Variants in UBR4 observed in about 807,000 individuals in gnomAD.
UBR4 encodes E3 ubiquitin-protein ligase UBR4.
UBR4 carries 124 observed loss-of-function variants against 575.6 expected under a neutral mutation model. The observed-to-expected ratio is 0.22, with a 90% CI of 0.19 to 0.25. The LOEUF is 0.25. Ranked by LOEUF, UBR4 falls within the 10% of genes least tolerant of loss-of-function variation. The pLI is 1.00. For missense variants in UBR4, 4,818 were observed against 6,478.8 expected (o/e 0.74, Z 8.80); for synonymous variants, 2,455 against 2,473.7 (o/e 0.99, Z 0.22).
rs1474478410 is a variant in UBR4, at chr1:19,152,533, C to A, written c.6833-57G>T. The stretch of plus-strand genomic sequence containing the variant: ...CTCTCCCACCTCTGCCCCAACACCA[C>A]TGGTAAAGACTCCTCCCAGACAGAG... On this transcript the variant is annotated intron_variant, in intron 46 of 105. Coordinates refer to ENST00000375254, the MANE Select transcript of UBR4 (RefSeq NM_020765.3). This position sits in a 1 kb window ranked among gnomAD's most constrained non-coding sequence, Gnocchi z 4.4. 2 of 1,603,314 alleles carry A rather than the reference C, an allele frequency of 1.2e-6. No individual in the cohort carries two copies. Among genetic ancestry groups the A allele is most frequent in the Admixed American group, 1.7e-5 (1 of 59,740 alleles).
At chr1:19,150,907 TAGAGAA>T in intron 48 of UBR4, 114 bp from the exon 49 acceptor site, 2 of 992,712 alleles carry the variant, frequency 2.0e-6, no homozygotes, top group South Asian at 3.0e-5. Context: ...TTTATAGACA[TAGAGAA>T]ACTTTATCTT....
intron 60 of UBR4, among the ~76,000 whole-genome samples, chr1:19,137,508 A>C (rs2083329841): frequency 6.6e-6 from 1 of 152,190 alleles, no homozygotes; most frequent in Non-Finnish European, 1.5e-5. Context: ...GACCACTTTC[A>C]ATTTCAAAAT....
In UBR4 at chr1:19,129,060, C is replaced by T. The variant is rs1412967235; in HGVS notation, c.8921G>A (p.Arg2974His). 30 of 1,613,904 alleles carry T rather than the reference C, an allele frequency of 1.9e-5. No individual in the cohort carries two copies. The highest frequency in any genetic ancestry group is 3.3e-5 in the South Asian group (3 of 91,074). Residue 2974 changes from arginine (R) to histidine (H), a missense_variant, in exon 61 of 106, where the codon CGT (arginine) becomes CAT (histidine). Physicochemically the swap from Arg to His is conservative, Grantham distance 29. This residue lies in a region of UBR4 where 87 missense variants were observed against 82.8 expected (regional missense o/e 1.05). Coordinates refer to ENST00000375254, the MANE Select transcript of UBR4 (RefSeq NM_020765.3). ...VHTSNRLHMVRLMLLERLLQT... is the reference protein window; with the variant it reads ...VHTSNRLHMVHLMLLERLLQT... Reference sequence around the variant, plus strand: ...CAGTAATCTCTCCAACAGCATTAGACGGACCATGTGCAGCCTAAAAGGGTG... The same window carrying T: ...CAGTAATCTCTCCAACAGCATTAGATGGACCATGTGCAGCCTAAAAGGGTG...
intron 69 of UBR4, 115 bp from the exon 70 acceptor site, chr1:19,119,816 G>T: frequency 7.3e-7 from 1 of 1,373,036 alleles, no homozygotes. Flanking sequence ...AAGTTTGAAC[G>T]GTTTTGTTTC....
intron 63 of UBR4, among the ~76,000 whole-genome samples, chr1:19,127,078 T>C (rs1360874511): frequency 1.3e-5 from 2 of 152,152 alleles, no homozygotes; most frequent in Non-Finnish European, 2.9e-5. Flanking sequence ...GAGTCTTCCA[T>C]AGAACCAGCT....
At chr1:19,193,332 A>T in intron 9 of UBR4, 101 bp downstream of exon 9, 1 of 1,499,724 alleles carries the variant, frequency 6.7e-7, no homozygotes, top group Non-Finnish European at 9.0e-7. Flanking sequence ...TAGTGTGGAG[A>T]ATACTCTAAG....
intron 77 of UBR4, 55 bp downstream of exon 77, chr1:19,113,644 C>T: frequency 6.2e-7 from 1 of 1,603,322 alleles, no homozygotes; most frequent in South Asian, 1.1e-5. Context: ...GCTGTGAAAA[C>T]AACACCAGTA....
intron 17 of UBR4, among the ~76,000 whole-genome samples, chr1:19,181,744 G>A (rs960579140): frequency 6.6e-6 from 1 of 152,086 alleles, no homozygotes; most frequent in African/African-American, 2.4e-5. Context: ...ACATTTAGAA[G>A]GTACTAGTAC....
chr1:19,115,289 C>G, intron 74 of UBR4, 109 bp downstream of exon 74: 1 of 1,467,038 alleles, frequency 6.8e-7, no homozygotes, highest in South Asian at 1.4e-5. Flanking sequence ...CCATAATTCT[C>G]TAAATGTTCT....
At position 19,178,954 on chromosome 1, in the gene UBR4, C is replaced by A. The variant is rs1435107001; in HGVS notation, c.2354+97G>T. 1.2e-5 allele frequency: 17 copies of A among 1,450,906 alleles called. No individual in the cohort carries two copies. The East Asian group carries it at 3.9e-4, about 33-fold the overall frequency. The allele number at this position is 1,450,906 out of a possible 1,614,324, so 89.9% of individuals were successfully genotyped here. A position where few individuals can be genotyped will look rare whatever the true frequency, so the allele number is the denominator to read the frequency against. On this transcript the variant is annotated intron_variant, in intron 18 of 105. Coordinates refer to ENST00000375254, the MANE Select transcript of UBR4 (RefSeq NM_020765.3). ...CTCCCCACTCTAAACATTATCATTACAGCAAAGCCTCAAAGCCACAGATTA... is the reference window on the plus strand; with the variant it reads ...CTCCCCACTCTAAACATTATCATTAAAGCAAAGCCTCAAAGCCACAGATTA...
intron 20 of UBR4, 94 bp downstream of exon 20, chr1:19,176,498 G>C: frequency 6.8e-7 from 1 of 1,479,524 alleles, no homozygotes; most frequent in Non-Finnish European, 9.2e-7. Context: ...TAAAGCAAAT[G>C]ACCAAAGATC....
chr1:19,208,466 CAAAAAAAAAAAAA>C (rs71030137), intron 1 of UBR4, among the ~76,000 whole-genome samples: 2 of 76,904 alleles, frequency 2.6e-5, no homozygotes, highest in African/African-American at 4.3e-5. Context: ...GAATCCATCT[CAAAAAAAAAAAAA>C]AAAAAAAAAA....
intron 75 of UBR4, among the ~76,000 whole-genome samples, chr1:19,114,358 T>A (rs2080239321): frequency 6.6e-6 from 1 of 152,256 alleles, no homozygotes; most frequent in Non-Finnish European, 1.5e-5. Context: ...TCTGTCCTTC[T>A]GACTCCAAAG....
chr1:19,106,084 A>G (rs2079160327), intron 83 of UBR4, among the ~76,000 whole-genome samples: 2 of 152,232 alleles, frequency 1.3e-5, no homozygotes, highest in Non-Finnish European at 2.9e-5. Context: ...TGAAGAACAT[A>G]CCTACAATAA....
Position 19,167,132 on chromosome 1 carries a change from G to A in UBR4, c.3999C>T (p.Ser1333=). The part of the protein sequence containing the change: ...TESVAEISSN[S]LERILGPAES... ...CAGCAGGGCCCAAGATGCGTTCCAG[G>A]GAGTTGCTACTGATCTCGGCAACAC... The change falls in exon 29 of 106, where the codon TCC becomes TCT. Residue 1333 remains serine (S), a synonymous_variant. Transcript: ENST00000375254. 1 of 1,614,188 alleles carries A rather than the reference G, an allele frequency of 6.2e-7. No individual in the cohort carries two copies. The highest frequency in any genetic ancestry group is 8.5e-7 in the Non-Finnish European group (1 of 1,180,044).
intron 8 of UBR4, among the ~76,000 whole-genome samples, chr1:19,195,641 A>G (rs896270868): frequency 2.0e-5 from 3 of 152,198 alleles, no homozygotes; most frequent in African/African-American, 4.8e-5. Flanking sequence ...ATGAGAGAAC[A>G]TATTTTCACA....
At chr1:19,142,820 T>C (rs528235935) in intron 55 of UBR4, among the ~76,000 whole-genome samples, 86 of 152,360 alleles carry the variant, frequency 5.6e-4, no homozygotes, top group Non-Finnish European at 1.1e-3. Context: ...ATAATATTGC[T>C]ATTAGAAAAT....
In UBR4 at chr1:19,077,760, A is replaced by AC. The variant is rs760048549; in HGVS notation, c.15324+215dup. 6.5e-4 allele frequency: 965 copies of AC among 1,474,068 alleles called. 7 individuals carry two copies. The African/African-American group carries it at 0.013, about 20-fold the overall frequency. 91.3% of individuals were successfully genotyped at this position (1,474,068 alleles called of 1,614,324 possible). On this transcript the variant is annotated intron_variant, in intron 104 of 105. Transcript: ENST00000375254. ...AAAAAACCAAACCAAACCAAACCAAACAAAACCAAACAAAACAAATGTACC... is the reference window on the plus strand; with the variant it reads ...AAAAAACCAAACCAAACCAAACCAAACCAAAACCAAACAAAACAAATGTACC...
At chr1:19,101,912 C>G (rs1027634300) in intron 87 of UBR4, among the ~76,000 whole-genome samples, 1 of 152,218 alleles carries the variant, frequency 6.6e-6, no homozygotes, top group Non-Finnish European at 1.5e-5. Flanking sequence ...CAGGATATAA[C>G]CTCCTCAAGG....
Sources: allele counts gnomAD v4.1 joint callset (sites outside exome capture counted in the v4.1 genomes callset), GRCh38; gene constraint gnomAD v4.1.1; regional missense constraint gnomAD v4.1.1; non-coding constraint Gnocchi (gnomAD v3.1); transcripts MANE v1.5; gene names NCBI Gene and HGNC (gene_info 2026-07-23, HGNC 2026-07-21).